Variants in MAGI2 observed in about 807,000 individuals in gnomAD.
The protein encoded by MAGI2 is membrane associated guanylate kinase, WW and PDZ domain containing 2.
Under a neutral mutation model 133.3 loss-of-function variants are expected in MAGI2, and 35 were observed. That is an observed-to-expected ratio of 0.26 (90% CI 0.20 to 0.35). MAGI2 has a LOEUF of 0.35. Among genes scored for constraint, MAGI2 ranks in the 10% least tolerant of loss-of-function variants. The pLI is 1.00. For missense variants in MAGI2, 1,636 were observed against 1,863.4 expected (o/e 0.88, Z 2.25); for synonymous variants, 729 against 710.6 (o/e 1.03, Z -0.41).
At chr7:79,346,631 C>T (rs1486525782) in intron 1 of MAGI2, among the ~76,000 whole-genome samples, 1 of 151,924 alleles carries the variant, frequency 6.6e-6, no homozygotes, top group Non-Finnish European at 1.5e-5. Context: ...ATTCTCTCAA[C>T]AAAGTCTGTG....
At chr7:79,226,326 G>A (rs1425889268) in intron 1 of MAGI2, among the ~76,000 whole-genome samples, 2 of 151,962 alleles carry the variant, frequency 1.3e-5, no homozygotes, top group Non-Finnish European at 1.5e-5. Flanking sequence ...TGGTGTCTGG[G>A]GATGAGAGTT....
At chr7:78,293,886 G>A (rs1796969417) in intron 9 of MAGI2, among the ~76,000 whole-genome samples, 1 of 152,152 alleles carries the variant, frequency 6.6e-6, no homozygotes, top group Non-Finnish European at 1.5e-5. Flanking sequence ...ATTGAACAAT[G>A]AGAACACTTG....
chr7:78,684,982 T>A (rs1200528163), intron 2 of MAGI2, among the ~76,000 whole-genome samples: 1 of 152,216 alleles, frequency 6.6e-6, no homozygotes, highest in East Asian at 1.9e-4. Context: ...CAGCCATAAT[T>A]TAAATTAACA....
intron 1 of MAGI2, among the ~76,000 whole-genome samples, chr7:79,137,962 A>G (rs1821747782): frequency 6.6e-6 from 1 of 152,170 alleles, no homozygotes; most frequent in Non-Finnish European, 1.5e-5. Flanking sequence ...AATCACAAGC[A>G]CACTTACAAG....
intron 21 of MAGI2, among the ~76,000 whole-genome samples, chr7:78,032,844 A>G (rs1220148108): frequency 1.3e-5 from 2 of 152,138 alleles, no homozygotes; most frequent in African/African-American, 4.8e-5. Context: ...AATGTAACAG[A>G]CAGTGCAAAG....
At chr7:78,952,869 A>G (rs1801986269) in intron 2 of MAGI2, among the ~76,000 whole-genome samples, 1 of 152,200 alleles carries the variant, frequency 6.6e-6, no homozygotes, top group Non-Finnish European at 1.5e-5. Context: ...GAAACATTGT[A>G]CCTGGGTGTG....
chr7:78,304,455 C>A (rs1026105104), intron 9 of MAGI2, among the ~76,000 whole-genome samples: 1 of 152,148 alleles, frequency 6.6e-6, no homozygotes, highest in African/African-American at 2.4e-5. Flanking sequence ...TTTAGAAAGA[C>A]CTTTCCCAGT....
chr7:79,232,071 C>T (rs371376463), intron 1 of MAGI2, among the ~76,000 whole-genome samples: 1 of 151,930 alleles, frequency 6.6e-6, no homozygotes, highest in African/African-American at 2.4e-5. Context: ...TTGTCTTTGG[C>T]TCTGTTTATA....
intron 1 of MAGI2, among the ~76,000 whole-genome samples, chr7:79,149,162 A>T (rs1585048755): frequency 7.0e-6 from 1 of 143,684 alleles, no homozygotes; most frequent in South Asian, 2.1e-4. Flanking sequence ...TATATATATT[A>T]TATATATAGA....
chr7:78,426,070 C>A (rs1799248429), intron 6 of MAGI2, among the ~76,000 whole-genome samples: 1 of 152,096 alleles, frequency 6.6e-6, no homozygotes, highest in African/African-American at 2.4e-5. Flanking sequence ...AGTAGCTTGA[C>A]TACATTAAGG....
intron 2 of MAGI2, among the ~76,000 whole-genome samples, chr7:78,792,957 G>A (rs562857527): frequency 1.4e-4 from 22 of 152,282 alleles, no homozygotes; most frequent in African/African-American, 4.6e-4. Flanking sequence ...TCAGCACACC[G>A]ATATGACTGG....
chr7:78,579,019 A>C (rs1400260054), intron 3 of MAGI2, among the ~76,000 whole-genome samples: 1 of 152,122 alleles, frequency 6.6e-6, no homozygotes, highest in Non-Finnish European at 1.5e-5. Flanking sequence ...TCAGCCTTCT[A>C]TTCCCATGTC....
At chr7:79,016,964 C>T (rs926717839) in intron 1 of MAGI2, among the ~76,000 whole-genome samples, 3 of 152,246 alleles carry the variant, frequency 2.0e-5, no homozygotes, top group Admixed American at 6.5e-5. Context: ...AATGCATGCA[C>T]GGACACTGGC....
At chr7:78,723,098 G>C (rs1304471204) in intron 2 of MAGI2, among the ~76,000 whole-genome samples, 1 of 152,062 alleles carries the variant, frequency 6.6e-6, no homozygotes, top group African/African-American at 2.4e-5. Flanking sequence ...GCATTGCAGT[G>C]ATCAAGGAAG....
chr7:79,153,912 A>C (rs1388797187), intron 1 of MAGI2, among the ~76,000 whole-genome samples: 1 of 152,244 alleles, frequency 6.6e-6, no homozygotes, highest in Non-Finnish European at 1.5e-5. Flanking sequence ...AATAATTAAG[A>C]AACAGGAAAG....
intron 1 of MAGI2, among the ~76,000 whole-genome samples, chr7:79,202,148 C>T (rs1001456951): frequency 1.1e-4 from 16 of 151,978 alleles, no homozygotes; most frequent in Middle Eastern, 3.4e-3. Flanking sequence ...CTAAGTGTAA[C>T]GCTGTAAATA....
intron 10 of MAGI2, among the ~76,000 whole-genome samples, chr7:78,202,663 A>G (rs1584374418): frequency 7.1e-6 from 1 of 141,418 alleles, no homozygotes; most frequent in East Asian, 2.1e-4. Context: ...AGCCTGGGCA[A>G]CAGAGTGAGA....
chr7:78,921,180 T>TGGA (rs1481725849), intron 2 of MAGI2, among the ~76,000 whole-genome samples: 1 of 152,108 alleles, frequency 6.6e-6, no homozygotes, highest in Non-Finnish European at 1.5e-5. Context: ...TCTGGGGAAG[T>TGGA]GGAGGATCAC....
At chr7:78,640,460 T>C (rs999201748) in intron 2 of MAGI2, among the ~76,000 whole-genome samples, 1 of 152,200 alleles carries the variant, frequency 6.6e-6, no homozygotes, top group African/African-American at 2.4e-5. Context: ...AAGGCACTTC[T>C]GGCATAAGAG....
Sources: allele counts gnomAD v4.1 joint callset (sites outside exome capture counted in the v4.1 genomes callset), GRCh38; gene constraint gnomAD v4.1.1; transcripts MANE v1.5; gene names NCBI Gene and HGNC (gene_info 2026-07-23, HGNC 2026-07-21).